IL1RAP: variants seen among roughly 807,000 people sequenced by gnomAD.
The protein encoded by IL1RAP is interleukin 1 receptor accessory protein.
IL1RAP carries 35 observed loss-of-function variants against 60.7 expected under a neutral mutation model. The ratio of observed to expected loss-of-function variants is 0.58; its 90% CI spans 0.44 to 0.76. IL1RAP has a LOEUF of 0.76. Among genes scored for constraint, IL1RAP ranks in the 30% least tolerant of loss-of-function variants. The pLI is 0.00. For synonymous variants in IL1RAP, 268 were observed against 250.9 expected (o/e 1.07, Z -0.64); for missense variants, 572 against 693.9 (o/e 0.82, Z 1.97).
intron 3 of IL1RAP, among the ~76,000 whole-genome samples, chr3:190,598,334 A>G (rs1412570222): frequency 2.0e-5 from 3 of 151,948 alleles, no homozygotes; most frequent in Non-Finnish European, 4.4e-5. Context: ...TTTTTTTTCT[A>G]TATACTTTAT....
downstream of IL1RAP, among the ~76,000 whole-genome samples, chr3:190,653,798 C>T (rs886487100): frequency 6.6e-6 from 1 of 152,140 alleles, no homozygotes; most frequent in Non-Finnish European, 1.5e-5. Flanking sequence ...TAAACTTTAG[C>T]ATTAAAAATA....
At chr3:190,605,341 CA>C (rs897139750) in intron 4 of IL1RAP, among the ~76,000 whole-genome samples, 4 of 150,796 alleles carry the variant, frequency 2.7e-5, no homozygotes, top group African/African-American at 7.3e-5. Context: ...GGGAAAAAAA[CA>C]AAAAAACAAA....
chr3:190,627,288 T>C, intron 7 of IL1RAP, 35 bp from the exon 8 acceptor site: 1 of 1,449,996 alleles, frequency 6.9e-7, no homozygotes, highest in Non-Finnish European at 9.1e-7. Context: ...TGTTTTGTTT[T>C]TTGTTTTTTT....
intron 1 of IL1RAP, among the ~76,000 whole-genome samples, chr3:190,542,598 C>G (rs1724029096): frequency 6.6e-6 from 1 of 152,066 alleles, no homozygotes; most frequent in Admixed American, 6.6e-5. Flanking sequence ...CTAGGGTTCT[C>G]TCTTCTACAC....
chr3:190,630,119 A>G, intron 9 of IL1RAP: 1 of 776,120 alleles, frequency 1.3e-6, no homozygotes, highest in Non-Finnish European at 1.6e-6. Flanking sequence ...CTATGTATCA[A>G]TATTTAAGCA....
intron 1 of IL1RAP, among the ~76,000 whole-genome samples, chr3:190,534,598 C>G (rs1023278014): frequency 1.3e-5 from 2 of 152,088 alleles, no homozygotes; most frequent in Non-Finnish European, 2.9e-5. Flanking sequence ...CTTCTGGGCC[C>G]GAGTAGCTGT....
At chr3:190,549,202 C>A (rs1308717315) in intron 1 of IL1RAP, among the ~76,000 whole-genome samples, 9 of 152,182 alleles carry the variant, frequency 5.9e-5, no homozygotes. Context: ...ACAAGAGGAA[C>A]CAGGCTCCTC....
At chr3:190,585,015 C>T (rs932488481) in intron 3 of IL1RAP, among the ~76,000 whole-genome samples, 8 of 152,092 alleles carry the variant, frequency 5.3e-5, no homozygotes, top group Non-Finnish European at 1.0e-4. Context: ...AATAATGTCC[C>T]GAGTGCCATA....
At position 190,550,955 on chromosome 3, in the gene IL1RAP, A is replaced by G. The variant is rs147457221; in HGVS notation, c.-88-5175A>G. Among the ~76,000 whole-genome samples, 869 of 152,338 alleles carry G rather than the reference A, an allele frequency of 5.7e-3. 7 individuals are homozygous for G. Among genetic ancestry groups the G allele is most frequent in the African/African-American group, 0.02 (817 of 41,576 alleles). On this transcript the variant is annotated intron_variant, in intron 1 of 11. Coordinates refer to ENST00000447382, the MANE Select transcript of IL1RAP (RefSeq NM_002182.4). ...ATTATTTGCATAAAGTACAGCAAGA[A>G]TATCTGTTTCTACATACACCTTTTA...
At chr3:190,528,498 G>A (rs1305777367) in intron 1 of IL1RAP, among the ~76,000 whole-genome samples, 1 of 152,192 alleles carries the variant, frequency 6.6e-6, no homozygotes, top group Non-Finnish European at 1.5e-5. Context: ...CTGGGTTTCA[G>A]TTGCCTGCGT....
rs1734263099 is a variant in IL1RAP, at chr3:190,649,519, T to G, written c.*814T>G. ...CAGTCTGAAAGAAATCTCCTAATGG[T>G]GCTATAGAGAGGGAGGTAACAGAAA... On this transcript the variant is annotated 3_prime_UTR_variant, in exon 12 of 12. Coordinates refer to ENST00000447382, the MANE Select transcript of IL1RAP (RefSeq NM_002182.4). The G allele has an allele frequency of 5.1e-6, 5 of 985,678 alleles. No homozygotes were observed. The highest frequency in any genetic ancestry group is 6.0e-6 in the Non-Finnish European group (5 of 829,940). 61.1% of individuals were successfully genotyped at this position (985,678 alleles called of 1,614,324 possible). A position where few individuals can be genotyped will look rare whatever the true frequency, so the allele number is the denominator to read the frequency against.
chr3:190,619,686 C>A (rs1731593848), intron 5 of IL1RAP, among the ~76,000 whole-genome samples: 1 of 151,046 alleles, frequency 6.6e-6, no homozygotes. Context: ...GATCACGCCA[C>A]TGCACTCCAG....
At chr3:190,577,100 CA>C (rs34108263) in intron 3 of IL1RAP, among the ~76,000 whole-genome samples, 4,212 of 86,442 alleles carry the variant, frequency 0.049, 24 homozygotes, top group South Asian at 0.075. Flanking sequence ...GACTCCGTCT[CA>C]AAAAAAAAAA....
chr3:190,620,382 A>C lies in IL1RAP; in HGVS notation c.645A>C (p.Thr215=), dbSNP rs199761989. The change falls in exon 6 of 12, where the codon ACA becomes ACC. Residue 215 remains threonine (T), a synonymous_variant. Coordinates refer to ENST00000447382, the MANE Select transcript of IL1RAP (RefSeq NM_002182.4). ...ATGGAAATTACACATGTGTTGTTAC[A>C]TATCCAGAAAATGGACGTACGTTTC... ...SNNGNYTCVV[T]YPENGRTFHL... is the part of the protein sequence containing the mutation. 22 of 1,612,862 alleles carry C rather than the reference A, an allele frequency of 1.4e-5. No homozygotes were observed. The Admixed American group carries it at 1.8e-4, about 14-fold the overall frequency.
At chr3:190,585,977 A>C (rs1476316944) in intron 3 of IL1RAP, among the ~76,000 whole-genome samples, 3 of 152,048 alleles carry the variant, frequency 2.0e-5, no homozygotes, top group African/African-American at 7.2e-5. Flanking sequence ...CCTGTGATCT[A>C]ACCCCGGCTG....
At chr3:190,569,576 T>C (rs993914104) in intron 3 of IL1RAP, among the ~76,000 whole-genome samples, 1 of 139,568 alleles carries the variant, frequency 7.2e-6, no homozygotes. Flanking sequence ...CGGAAGCAGA[T>C]CTCTTCACTT....
intron 3 of IL1RAP, among the ~76,000 whole-genome samples, chr3:190,581,054 A>G (rs567557882): frequency 1.1e-4 from 17 of 152,350 alleles, no homozygotes; most frequent in African/African-American, 4.1e-4. Flanking sequence ...CAGAGGACTC[A>G]GCCCTTTAAT....
chr3:190,566,626 A>G (rs1416879481), intron 3 of IL1RAP, among the ~76,000 whole-genome samples: 2 of 152,206 alleles, frequency 1.3e-5, no homozygotes, highest in African/African-American at 4.8e-5. Context: ...CCGTGGGAGC[A>G]GGAAACATGT....
intron 3 of IL1RAP, among the ~76,000 whole-genome samples, chr3:190,570,658 C>T (rs111716595): frequency 0.03 from 4,626 of 152,236 alleles, 225 homozygotes; most frequent in African/African-American, 0.1. Context: ...CTCCACCTCC[C>T]AAGTTCAAGT....
Sources: allele counts gnomAD v4.1 joint callset (sites outside exome capture counted in the v4.1 genomes callset), GRCh38; gene constraint gnomAD v4.1.1; transcripts MANE v1.5; gene names NCBI Gene and HGNC (gene_info 2026-07-23, HGNC 2026-07-21).